OPRM1: variants seen among roughly 807,000 people sequenced by gnomAD.
OPRM1 encodes the protein mu-type opioid receptor.
OPRM1 carries 27 observed loss-of-function variants against 31.8 expected under a neutral mutation model. The ratio of observed to expected loss-of-function variants is 0.85; its 90% CI spans 0.63 to 1.17. The LOEUF (loss-of-function observed/expected upper bound fraction) is 1.17. OPRM1 is among the 50% of genes most tolerant of loss of function. The pLI, the probability that OPRM1 is intolerant of heterozygous loss-of-function variation, is 0.00. For synonymous variants in OPRM1, 196 were observed against 189.9 expected, an observed-to-expected ratio of 1.03 and a Z score of -0.26; for missense variants, 536 against 511.1, an observed-to-expected ratio of 1.05 and a Z score of -0.47.
intron 3 of OPRM1, chr6:154,167,997 AT>A (rs764795870): frequency 6.2e-7 from 1 of 1,611,678 alleles, no homozygotes; most frequent in Admixed American, 1.7e-5. Context: ...TTAACAAAGG[AT>A]TTTCTCAACT....
At chr6:154,138,285 A>G (rs1194319742) in intron 3 of OPRM1, among the ~76,000 whole-genome samples, 1 of 152,210 alleles carries the variant, frequency 6.6e-6, no homozygotes, top group Non-Finnish European at 1.5e-5. Context: ...ACAAGTAAAT[A>G]TTTTAATGCT....
At chr6:154,228,793 C>T (rs1034787078) in intron 3 of OPRM1, among the ~76,000 whole-genome samples, 6 of 152,126 alleles carry the variant, frequency 3.9e-5, no homozygotes, top group South Asian at 4.1e-4. Context: ...GCGGCCAAGG[C>T]GGGAGGATGA....
rs550443867 is a variant in OPRM1 at position 154,175,714 on chromosome 6, T to C, written c.1165-70979T>C. 3.3e-5 allele frequency among the ~76,000 whole-genome samples: 5 copies of C among 152,224 alleles called. No homozygotes were observed. The East Asian group carries it at 9.6e-4, about 29-fold the overall frequency. ...CAACCAAAAAAAATCCAGGACCAGA[T>C]GGATTCGCAGCCGAATTCTACCAGA... On this transcript the variant is annotated intron_variant, in intron 3 of 3. Coordinates refer to the OPRM1 transcript ENST00000337049.
chr6:154,052,209 G>A (rs1259296754), intron 1 of OPRM1, among the ~76,000 whole-genome samples: 1 of 152,084 alleles, frequency 6.6e-6, no homozygotes, highest in Non-Finnish European at 1.5e-5. Context: ...AGGAGCATTA[G>A]GACAAATAGC....
intron 1 of OPRM1, among the ~76,000 whole-genome samples, chr6:154,012,796 A>G (rs1777798638): frequency 6.6e-6 from 1 of 152,146 alleles, no homozygotes; most frequent in Admixed American, 6.5e-5. Context: ...GGGAAGTCCA[A>G]GATCAATTTC....
intron 3 of OPRM1, among the ~76,000 whole-genome samples, chr6:154,180,409 TA>T (rs1247887583): frequency 0.13 from 5,865 of 45,756 alleles, 389 homozygotes; most frequent in African/African-American, 0.31. Flanking sequence ...TATATATATA[TA>T]TATATTTTTT....
intron 1 of OPRM1, among the ~76,000 whole-genome samples, chr6:154,032,719 A>G (rs1272222070): frequency 1.3e-5 from 2 of 152,164 alleles, no homozygotes; most frequent in African/African-American, 2.4e-5. Context: ...GGCATGAGCC[A>G]CCTCACCCAG....
chr6:154,165,573 A>G (rs1251438060), intron 3 of OPRM1, among the ~76,000 whole-genome samples: 1 of 152,144 alleles, frequency 6.6e-6, no homozygotes, highest in South Asian at 2.1e-4. Context: ...CGAGGGATCT[A>G]TGGAAAGGGC....
intron 3 of OPRM1, among the ~76,000 whole-genome samples, chr6:154,094,540 G>T (rs1337787059): frequency 2.0e-5 from 3 of 152,248 alleles, no homozygotes; most frequent in Admixed American, 1.3e-4. Context: ...TGCTCGGAGG[G>T]CAGCTGCCCG....
chr6:154,039,438 A>G lies in OPRM1; in HGVS notation c.-107A>G, dbSNP rs1033909721. 3.2e-6 allele frequency: 5 copies of G among 1,551,584 alleles called. No individual in the cohort carries two copies. In the African/African-American group the frequency reaches 5.5e-5, roughly 17 times the overall value. On this transcript the variant is annotated 5_prime_UTR_variant, in exon 1 of 4. Coordinates refer to ENST00000330432, the MANE Select transcript of OPRM1 (RefSeq NM_000914.5). Reference sequence around the variant, plus strand: ...AGGACTGGTTTCTGTAAGAAACAGCAGGAGCTGTGGCAGCGGCGAAAGGAA... The same window carrying G: ...AGGACTGGTTTCTGTAAGAAACAGCGGGAGCTGTGGCAGCGGCGAAAGGAA...
intron 3 of OPRM1, among the ~76,000 whole-genome samples, chr6:154,107,023 G>A (rs1251188952): frequency 6.6e-6 from 1 of 152,114 alleles, no homozygotes; most frequent in East Asian, 1.9e-4. Flanking sequence ...TTCATTTAAA[G>A]GCTTATATTT....
chr6:154,119,068 A>G lies in OPRM1; in HGVS notation c.*347A>G, dbSNP rs1028328510. 1.9e-6 allele frequency: 2 copies of G among 1,036,766 alleles called. No individual in the cohort carries two copies. Among genetic ancestry groups the G allele is most frequent in the South Asian group, 4.4e-5 (1 of 22,906 alleles). The allele number at this position is 1,036,766 out of a possible 1,614,324, so 64.2% of individuals were successfully genotyped here. On this transcript the variant is annotated 3_prime_UTR_variant, in exon 4 of 4. Transcript: ENST00000330432. ...TCAAGCAAATATTTATGACCTCAAC[A>G]AAGAAGAACCATCTTTTGTTAAGTT... is the stretch of plus-strand genomic sequence containing the variant.
At chr6:154,113,445 G>A (rs559766478) in intron 3 of OPRM1, among the ~76,000 whole-genome samples, 1 of 152,186 alleles carries the variant, frequency 6.6e-6, no homozygotes, top group South Asian at 2.1e-4. Flanking sequence ...TATCCTCTGG[G>A]CCACTCTCTC....
At chr6:154,217,655 A>T (rs1778522081) in intron 3 of OPRM1, among the ~76,000 whole-genome samples, 1 of 152,198 alleles carries the variant, frequency 6.6e-6, no homozygotes, top group South Asian at 2.1e-4. Flanking sequence ...TAAAATAAGC[A>T]TTTAAAAGTT....
At chr6:154,226,339 C>G (rs1261337733) in intron 3 of OPRM1, among the ~76,000 whole-genome samples, 1 of 152,152 alleles carries the variant, frequency 6.6e-6, no homozygotes, top group Non-Finnish European at 1.5e-5. Flanking sequence ...TCCCATGGGC[C>G]CCGCAAGAGT....
intron 1 of OPRM1, among the ~76,000 whole-genome samples, chr6:154,077,137 C>T (rs1788033243): frequency 6.6e-6 from 1 of 152,104 alleles, no homozygotes; most frequent in Admixed American, 6.5e-5. Context: ...CACATGTGCT[C>T]CAAACCCCAC....
rs752579366 is a variant in OPRM1, at chr6:154,131,116, G to C, written c.*12395G>C. 2.6e-4 allele frequency among the ~76,000 whole-genome samples: 39 copies of C among 151,908 alleles called. No homozygotes were observed. The highest frequency in any genetic ancestry group is 1.6e-4 in the Non-Finnish European group (11 of 67,978). On this transcript the variant is annotated 3_prime_UTR_variant, in exon 4 of 4. Transcript: ENST00000330432. Reference sequence around the variant, plus strand: ...TTATAACATTAATGACACATTTTTTGCTATCCAAATATAATTTCCACTAGA... The same window carrying C: ...TTATAACATTAATGACACATTTTTTCCTATCCAAATATAATTTCCACTAGA...
At chr6:154,108,793 A>G (rs1236283854) in intron 3 of OPRM1, 21 of 985,430 alleles carry the variant, frequency 2.1e-5, no homozygotes, top group Non-Finnish European at 2.5e-5. Context: ...TCCCATCTTA[A>G]CAGTTGCAAT....
intron 3 of OPRM1, chr6:154,199,619 C>T: frequency 6.7e-7 from 1 of 1,501,304 alleles, no homozygotes; most frequent in South Asian, 1.3e-5. Context: ...GTTCCATATA[C>T]AAACAAATAT....
Sources: allele counts gnomAD v4.1 joint callset (sites outside exome capture counted in the v4.1 genomes callset), GRCh38; gene constraint gnomAD v4.1.1; transcripts MANE v1.5; gene names NCBI Gene and HGNC (gene_info 2026-07-23, HGNC 2026-07-21).